IGF1R: variants seen among roughly 807,000 people sequenced by gnomAD.
IGF1R encodes the protein insulin like growth factor 1 receptor.
A neutral mutation model predicts 144.6 loss-of-function variants in IGF1R; 44 were observed. The observed-to-expected ratio is 0.30, with a 90% confidence interval of 0.24 to 0.39. IGF1R has a LOEUF of 0.39. Ranked by LOEUF, IGF1R falls within the 10% of genes least tolerant of loss-of-function variation. IGF1R has a pLI of 1.00. For missense variants in IGF1R, 1,355 were observed against 1,833.7 expected (o/e 0.74, Z 4.77); for synonymous variants, 795 against 722.8 (o/e 1.10, Z -1.60).
intron 2 of IGF1R, among the ~76,000 whole-genome samples, chr15:98,869,315 C>CAA (rs60270987): frequency 5.3e-5 from 8 of 149,892 alleles, no homozygotes; most frequent in East Asian, 2.0e-4. Context: ...ACAACAACAA[C>CAA]AAAAAAAAAC....
Position 98,948,603 on chromosome 15 carries a change from C to G in IGF1R, c.3617C>G (p.Ala1206Gly). 3 of 1,614,116 alleles carry G rather than the reference C, an allele frequency of 1.9e-6. No individual in the cohort carries two copies. In the South Asian group the frequency reaches 3.3e-5, roughly 18 times the overall value. The change falls in exon 20 of 21, where the codon GCC becomes GGC. Residue 1206 changes from alanine (A) to glycine (G), a missense_variant. Ala to Gly is a moderately conservative substitution (Grantham distance 60). Around this residue, in one of 7 missense-constraint regions of IGF1R, gnomAD observed 77 missense variants for 163.2 expected, o/e 0.47. Coordinates refer to ENST00000650285, the MANE Select transcript of IGF1R (RefSeq NM_000875.5). Reference protein sequence around the residue: ...WSFGVVLWEIATLAEQPYQGL... With the variant: ...WSFGVVLWEIGTLAEQPYQGL... ...TTCGGGGTCGTCCTCTGGGAGATCGCCACACTGGCCGAGCAGCCCTACCAG... is the reference window on the plus strand; with the variant it reads ...TTCGGGGTCGTCCTCTGGGAGATCGGCACACTGGCCGAGCAGCCCTACCAG...
At chr15:98,785,337 C>T (rs1346113543) in intron 2 of IGF1R, among the ~76,000 whole-genome samples, 1 of 152,164 alleles carries the variant, frequency 6.6e-6, no homozygotes, top group African/African-American at 2.4e-5. Context: ...GTTTCTTTAT[C>T]CTTCTATCAG....
At chr15:98,909,261 C>CTTTTTTCTTTTTTTTTTTTTTTTTTTTTT (rs1555459650) in intron 6 of IGF1R, among the ~76,000 whole-genome samples, 2 of 91,760 alleles carry the variant, frequency 2.2e-5, no homozygotes, top group Non-Finnish European at 4.1e-5. Flanking sequence ...CTTTTTTTTT[C>CTTTTTTCTTTTTTTTTTTTTTTTTTTTTT]TTTTTTTTTT....
At chr15:98,941,315 A>G (rs1300814268) in intron 18 of IGF1R, among the ~76,000 whole-genome samples, 1 of 152,206 alleles carries the variant, frequency 6.6e-6, no homozygotes, top group East Asian at 1.9e-4. Context: ...CTCCGGGCAC[A>G]TGGGGGGAAC....
At chr15:98,938,717 C>T (rs573254999) in intron 17 of IGF1R, among the ~76,000 whole-genome samples, 4 of 152,108 alleles carry the variant, frequency 2.6e-5, no homozygotes, top group Non-Finnish European at 5.9e-5. Flanking sequence ...TAATTTATAA[C>T]GATGCTCTTA....
chr15:98,750,215 G>GA (rs1449829548), intron 2 of IGF1R, among the ~76,000 whole-genome samples: 1 of 152,222 alleles, frequency 6.6e-6, no homozygotes, highest in African/African-American at 2.4e-5. Context: ...CACATCAGGT[G>GA]ACACTGGGGC....
chr15:98,912,924 ATTAT>A, intron 7 of IGF1R, 116 bp from the exon 8 acceptor site: 1 of 711,294 alleles, frequency 1.4e-6, no homozygotes, highest in Non-Finnish European at 2.5e-6. Context: ...AGTCTAATTG[ATTAT>A]TTGTTTATTT....
At chr15:98,887,840 T>G (rs2013716098) in intron 2 of IGF1R, among the ~76,000 whole-genome samples, 1 of 152,218 alleles carries the variant, frequency 6.6e-6, no homozygotes, top group Admixed American at 6.5e-5. Flanking sequence ...GATCATCATG[T>G]CCCTTGCACT....
At chr15:98,868,833 A>G (rs899025046) in intron 2 of IGF1R, among the ~76,000 whole-genome samples, 1 of 152,178 alleles carries the variant, frequency 6.6e-6, no homozygotes, top group Non-Finnish European at 1.5e-5. Context: ...TCCTACTACT[A>G]CTAAACATTC....
chr15:98,771,494 A>G (rs2055584043), intron 2 of IGF1R, among the ~76,000 whole-genome samples: 1 of 152,162 alleles, frequency 6.6e-6, no homozygotes, highest in South Asian at 2.1e-4. Flanking sequence ...AGGGACCTGC[A>G]CAAGGCTTTA....
rs45568036 is a variant in IGF1R at position 98,874,527 on chromosome 15, C to G, written c.641-16798C>G. On this transcript the variant is annotated intron_variant, in intron 2 of 20. Transcript: ENST00000650285. The stretch of plus-strand genomic sequence containing the variant: ...AGATCTTTTCGGTGAAGTAGGGGAG[C>G]TGGGGACATCGTGATGTGACAAGAG... Among the ~76,000 whole-genome samples, 868 of 152,230 alleles carry G rather than the reference C, an allele frequency of 5.7e-3. 6 individuals are homozygous for G. The highest frequency in any genetic ancestry group is 0.02 in the African/African-American group (833 of 41,526).
At position 98,939,219 on chromosome 15, in the gene IGF1R, C is replaced by T. The variant is rs769508411; in HGVS notation, c.3316C>T (p.Pro1106Ser). 2 of 1,613,982 alleles carry T rather than the reference C, an allele frequency of 1.2e-6. No individual in the cohort carries two copies. Among genetic ancestry groups the T allele is most frequent in the East Asian group, 2.2e-5 (1 of 44,894 alleles). ...CCAACAGAATAATCCAGTCCTAGCA[C>T]CTCCAAGCCTGAGCAAGATGATTCA... ...PEMENNPVLA[P>S]PSLSKMIQMA... Residue 1106 changes from proline to serine, a missense_variant, in exon 18 of 21, where the codon CCT becomes TCT. This residue lies in a region of IGF1R where 45 missense variants were observed against 43.5 expected (regional missense o/e 1.03). Coordinates refer to ENST00000650285, the MANE Select transcript of IGF1R (RefSeq NM_000875.5).
At chr15:98,686,806 G>C (rs57221746) in intron 1 of IGF1R, among the ~76,000 whole-genome samples, 6 of 151,814 alleles carry the variant, frequency 4.0e-5, no homozygotes, top group Admixed American at 2.6e-4. Flanking sequence ...CAATAGATGG[G>C]ACTATGTTCC....
intron 17 of IGF1R, among the ~76,000 whole-genome samples, chr15:98,936,508 T>G (rs960083258): frequency 6.6e-6 from 1 of 152,184 alleles, no homozygotes; most frequent in Non-Finnish European, 1.5e-5. Flanking sequence ...ACCCTTACTT[T>G]GCTGCTTACT....
At chr15:98,803,498 T>TTTTATTTATTGATTTATTTA (rs2056405557) in intron 2 of IGF1R, among the ~76,000 whole-genome samples, 2 of 144,610 alleles carry the variant, frequency 1.4e-5, no homozygotes, top group African/African-American at 2.5e-5. Context: ...GAATATTACA[T>TTTTATTTATTGATTTATTTA]TTTATTTATT....
chr15:98,910,940 C>A (rs1302688324), intron 6 of IGF1R, among the ~76,000 whole-genome samples: 2 of 152,204 alleles, frequency 1.3e-5, no homozygotes, highest in Admixed American at 1.3e-4. Flanking sequence ...TTCAGGGCAG[C>A]CTAAAGGCTC....
At chr15:98,922,543 C>A in intron 11 of IGF1R, 112 bp downstream of exon 11, 1 of 1,296,808 alleles carries the variant, frequency 7.7e-7, no homozygotes, top group Non-Finnish European at 1.1e-6. Flanking sequence ...TAGACCCAGG[C>A]CTGCCTGCTA....
At chr15:98,885,440 C>G (rs1157644094) in intron 2 of IGF1R, among the ~76,000 whole-genome samples, 1 of 152,156 alleles carries the variant, frequency 6.6e-6, no homozygotes, top group Non-Finnish European at 1.5e-5. Flanking sequence ...TGGTCAGTTC[C>G]TCTCCTGGCA....
At chr15:98,845,585 T>C (rs1236534415) in intron 2 of IGF1R, among the ~76,000 whole-genome samples, 4 of 145,884 alleles carry the variant, frequency 2.7e-5, no homozygotes, top group Non-Finnish European at 4.5e-5. Context: ...TTCTCTCTCT[T>C]CTTTCTCTCT....
Sources: gnomAD v4.1 joint callset for allele counts (sites outside exome capture counted in the v4.1 genomes callset) on GRCh38, gnomAD v4.1.1 for gene constraint, gnomAD v4.1.1 regional missense constraint, MANE v1.5 for transcripts, NCBI Gene and HGNC (gene_info 2026-07-23, HGNC 2026-07-21) for gene names.